Variants in CELF2 observed in about 807,000 individuals in gnomAD.
CELF2 encodes CUGBP Elav-like family member 2.
A neutral mutation model predicts 62.6 loss-of-function variants in CELF2; 8 were observed. The observed-to-expected ratio is 0.13, with a 90% CI of 0.07 to 0.23. The LOEUF is 0.23. Among genes scored for constraint, CELF2 ranks in the 10% least tolerant of loss-of-function variants. The pLI, the probability that CELF2 is intolerant of heterozygous loss-of-function variation, is 1.00. For synonymous variants in CELF2, 258 were observed against 250.0 expected (o/e 1.03, Z -0.30); for missense variants, 333 against 671.0 (o/e 0.50, Z 5.56).
intron 1 of CELF2, among the ~76,000 whole-genome samples, chr10:10,829,525 A>G (rs190542237): frequency 1.6e-3 from 250 of 152,320 alleles, no homozygotes; most frequent in African/African-American, 5.8e-3. Context: ...ATTTTGATCA[A>G]TTCAATCAAT....
chr10:10,540,578 A>T, the CELF2 span, among the ~76,000 whole-genome samples: 7 of 152,160 alleles, frequency 4.6e-5, no homozygotes, highest in African/African-American at 1.4e-4. Flanking sequence ...GCAGAAAAGT[A>T]AGGAGTGAAA....
intron 1 of CELF2, among the ~76,000 whole-genome samples, chr10:11,107,008 G>T (rs2053671994): frequency 6.6e-6 from 1 of 152,222 alleles, no homozygotes. Context: ...TGCAGAGGGA[G>T]CCCAGCCCTT....
chr10:10,702,484 A>G, the CELF2 span, among the ~76,000 whole-genome samples: 1 of 152,214 alleles, frequency 6.6e-6, no homozygotes, highest in Non-Finnish European at 1.5e-5. Flanking sequence ...AGCTTATTAC[A>G]TCTCTACAAT....
At chr10:10,485,568 C>T in the CELF2 span, among the ~76,000 whole-genome samples, 1 of 152,130 alleles carries the variant, frequency 6.6e-6, no homozygotes, top group South Asian at 2.1e-4. Context: ...GGTGTCATTC[C>T]CCATGCAGGG....
At chr10:10,475,770 CTT>C in the CELF2 span, among the ~76,000 whole-genome samples, 2 of 152,040 alleles carry the variant, frequency 1.3e-5, no homozygotes, top group African/African-American at 4.8e-5. Context: ...GCATAAAAGA[CTT>C]AACTTTTAAA....
In CELF2 at chr10:11,194,574, G is replaced by A. The variant is rs2056917454; in HGVS notation, c.272-22851G>A. Among the ~76,000 whole-genome samples the A allele has an allele frequency of 2.6e-5, 4 of 152,140 alleles. No homozygotes were observed. The South Asian group carries it at 8.3e-4, about 31-fold the overall frequency. On this transcript the variant is annotated intron_variant, in intron 2 of 12. Transcript: ENST00000633077. ...TGACCACTGAAGGGTAGGAGGAAAG[G>A]CAAAGCGAGCTGCACAAAGGGAAGA...
At chr10:11,192,436 AGC>A (rs985417748) in intron 2 of CELF2, among the ~76,000 whole-genome samples, 17 of 152,236 alleles carry the variant, frequency 1.1e-4, no homozygotes, top group African/African-American at 3.9e-4. Flanking sequence ...AGTGCTGCCC[AGC>A]CCTGCCACCC....
chr10:10,647,450 C>A, the CELF2 span, among the ~76,000 whole-genome samples: 1 of 152,180 alleles, frequency 6.6e-6, no homozygotes, highest in African/African-American at 2.4e-5. Flanking sequence ...AACATCAATG[C>A]GGATAACATA....
At chr10:10,858,510 A>G (rs1234795597) in intron 1 of CELF2, among the ~76,000 whole-genome samples, 2 of 152,166 alleles carry the variant, frequency 1.3e-5, no homozygotes, top group Non-Finnish European at 2.9e-5. Context: ...TGATTATCCT[A>G]TCTAAATACC....
chr10:10,500,570 T>C, the CELF2 span, among the ~76,000 whole-genome samples: 2 of 152,328 alleles, frequency 1.3e-5, no homozygotes, highest in African/African-American at 4.8e-5. Context: ...CCTTCCACCA[T>C]GATTGTGAGG....
At chr10:10,851,698 T>C (rs1410210038) in intron 1 of CELF2, among the ~76,000 whole-genome samples, 1 of 152,188 alleles carries the variant, frequency 6.6e-6, no homozygotes, top group Non-Finnish European at 1.5e-5. Flanking sequence ...AAATCCTCTC[T>C]GTGATAAATG....
intron 2 of CELF2, among the ~76,000 whole-genome samples, chr10:10,994,175 G>A (rs1278013719): frequency 6.6e-6 from 1 of 152,206 alleles, no homozygotes; most frequent in African/African-American, 2.4e-5. Context: ...GCAATTGGAA[G>A]AAGGGGATAT....
At chr10:11,176,333 C>A (rs893439212) in intron 2 of CELF2, among the ~76,000 whole-genome samples, 1 of 152,218 alleles carries the variant, frequency 6.6e-6, no homozygotes, top group African/African-American at 2.4e-5. Flanking sequence ...ACGAAGCCAT[C>A]AGCATTGCAT....
the CELF2 span, among the ~76,000 whole-genome samples, chr10:10,690,554 C>G: frequency 6.6e-6 from 1 of 152,122 alleles, no homozygotes; most frequent in East Asian, 1.9e-4. Context: ...GACAACAGTG[C>G]AGGACCAGAA....
chr10:11,218,318 A>G lies in CELF2; in HGVS notation c.354+811A>G, dbSNP rs1269937484. On this transcript the variant is annotated intron_variant, in intron 3 of 12. Coordinates refer to ENST00000633077, the MANE Select transcript of CELF2 (RefSeq NM_001326342.2). ...AAGGATAATGATTTTATTGAAACCT[A>G]GTTTGATAAGAATAAAAGAAAGATA... 2.6e-5 allele frequency among the ~76,000 whole-genome samples: 4 copies of G among 152,352 alleles called. 1 individual carries two copies. The highest frequency in any genetic ancestry group is 1.3e-4 in the Admixed American group (2 of 15,306).
chr10:11,266,929 T>C (rs1165352267), intron 6 of CELF2, among the ~76,000 whole-genome samples: 4 of 152,222 alleles, frequency 2.6e-5, no homozygotes, highest in African/African-American at 4.8e-5. Context: ...TTGAGCCTTT[T>C]ATTGCAGTGG....
intron 1 of CELF2, among the ~76,000 whole-genome samples, chr10:11,105,831 C>G (rs1052793008): frequency 3.9e-5 from 6 of 152,202 alleles, no homozygotes; most frequent in African/African-American, 1.2e-4. Flanking sequence ...AGATTCTGCT[C>G]CAGTCTCCAC....
chr10:10,731,743 C>T, the CELF2 span, among the ~76,000 whole-genome samples: 178 of 152,172 alleles, frequency 1.2e-3, 2 homozygotes, highest in East Asian at 0.032. Flanking sequence ...CCTTCAACAC[C>T]GCAAACCTAT....
At chr10:10,712,165 A>C in the CELF2 span, among the ~76,000 whole-genome samples, 28 of 150,620 alleles carry the variant, frequency 1.9e-4, no homozygotes, top group Non-Finnish European at 3.0e-4. Flanking sequence ...AAAAAAAAAA[A>C]AAAAAAAACT....
Sources: allele counts gnomAD v4.1 joint callset (sites outside exome capture counted in the v4.1 genomes callset), GRCh38; gene constraint gnomAD v4.1.1; transcripts MANE v1.5; gene names NCBI Gene and HGNC (gene_info 2026-07-23, HGNC 2026-07-21).